Variants in EGFLAM observed in about 807,000 individuals in gnomAD.
EGFLAM encodes the protein EGF like, fibronectin type III and laminin G domains, also known as pikachurin.
A neutral mutation model predicts 113.1 loss-of-function variants in EGFLAM; 79 were observed. The observed-to-expected ratio is 0.70, with a 90% CI of 0.58 to 0.84. The LOEUF is 0.84. Among genes scored for constraint, EGFLAM ranks in the 40% least tolerant of loss-of-function variants. The probability of loss-of-function intolerance (pLI) is 0.00; values close to 1 mark genes in which losing one functional copy is unlikely to be tolerated. For missense variants in EGFLAM, 1,265 were observed against 1,291.6 expected, an observed-to-expected ratio of 0.98 and a Z score of 0.32; for synonymous variants, 504 against 487.6, an observed-to-expected ratio of 1.03 and a Z score of -0.44.
intron 5 of EGFLAM, 79 bp from the exon 6 acceptor site, chr5:38,370,217 T>C: frequency 7.0e-7 from 1 of 1,418,592 alleles, no homozygotes; most frequent in South Asian, 1.3e-5. Context: ...CAAATGCTAT[T>C]AGTTTACATA....
At position 38,364,892 on chromosome 5, in the gene EGFLAM, C is replaced by T. The variant is rs116051533; in HGVS notation, c.546-5404C>T. On this transcript the variant is annotated intron_variant, in intron 5 of 21. Transcript: ENST00000322350. ...ACTTAGGGAGGGAGCCATCAAGTAACCCAGCGTCCTCCAGAAAGCATCCCA... is the reference window on the plus strand; with the variant it reads ...ACTTAGGGAGGGAGCCATCAAGTAATCCAGCGTCCTCCAGAAAGCATCCCA... 2.4e-3 allele frequency among the ~76,000 whole-genome samples: 372 copies of T among 152,196 alleles called. 2 individuals carry two copies. Among genetic ancestry groups the T allele is most frequent in the Non-Finnish European group, 4.1e-3 (281 of 68,008 alleles).
intron 14 of EGFLAM, among the ~76,000 whole-genome samples, 169 bp from the exon 15 acceptor site, chr5:38,431,008 C>T (rs1056132537): frequency 1.3e-5 from 2 of 152,316 alleles, no homozygotes; most frequent in South Asian, 2.1e-4. Context: ...ATGATGCCTG[C>T]CCAGGTTGGT....
chr5:38,405,646 T>G (rs1741260878), intron 6 of EGFLAM, among the ~76,000 whole-genome samples: 1 of 152,232 alleles, frequency 6.6e-6, no homozygotes, highest in Non-Finnish European at 1.5e-5. Flanking sequence ...TTTTTTACTA[T>G]TACAAATTCT....
At position 38,427,122 on chromosome 5, in the gene EGFLAM, C is replaced by T. The variant is rs749175056; in HGVS notation, c.1924C>T (p.Arg642Trp). Reference sequence around the variant, plus strand: ...CTTCATGGAATTTGAGATCACATTTCGGCCAGACTCAGGAGATGGTGTCCT... The same window carrying T: ...CTTCATGGAATTTGAGATCACATTTTGGCCAGACTCAGGAGATGGTGTCCT... ...LSFMEFEITF[R>W]PDSGDGVLLY... Residue 642 changes from arginine (R) to tryptophan (W), a missense_variant, in exon 14 of 22, where the codon CGG (arginine) becomes TGG (tryptophan). Coordinates refer to ENST00000322350, the MANE Select transcript of EGFLAM (RefSeq NM_152403.4). 1.7e-5 allele frequency: 27 copies of T among 1,613,974 alleles called. 1 individual carries two copies. The South Asian group carries it at 2.6e-4, about 16-fold the overall frequency.
chr5:38,458,417 G>A (rs765951796), intron 20 of EGFLAM, 23 bp downstream of exon 20: 4 of 1,611,572 alleles, frequency 2.5e-6, no homozygotes, highest in South Asian at 2.2e-5. Context: ...CGCAGCATGA[G>A]GCAGAGCCAG....
At chr5:38,406,059 G>T (rs1355051150) in intron 6 of EGFLAM, 67 bp from the exon 7 acceptor site, 2 of 1,272,894 alleles carry the variant, frequency 1.6e-6, no homozygotes, top group African/African-American at 2.9e-5. Context: ...CTGTGGCTGA[G>T]TTAGGCTAGA....
At chr5:38,428,684 A>G (rs1742092804) in intron 14 of EGFLAM, among the ~76,000 whole-genome samples, 1 of 152,180 alleles carries the variant, frequency 6.6e-6, no homozygotes, top group Non-Finnish European at 1.5e-5. Context: ...TACCCCCTCC[A>G]CACTGCCTCT....
intron 13 of EGFLAM, among the ~76,000 whole-genome samples, chr5:38,425,925 A>T (rs1741990890): frequency 6.6e-6 from 1 of 152,182 alleles, no homozygotes; most frequent in Non-Finnish European, 1.5e-5. Flanking sequence ...CAACGTGGTG[A>T]AACTCCGTTT....
At chr5:38,340,004 C>T (rs1273472821) in intron 3 of EGFLAM, among the ~76,000 whole-genome samples, 1 of 152,112 alleles carries the variant, frequency 6.6e-6, no homozygotes. Context: ...AGTAGTATCC[C>T]CAGCCACCCC....
intron 1 of EGFLAM, among the ~76,000 whole-genome samples, chr5:38,304,392 T>G (rs1036698762): frequency 6.6e-6 from 1 of 152,106 alleles, no homozygotes; most frequent in Non-Finnish European, 1.5e-5. Context: ...AAGCAAAAGG[T>G]CTGTGAACAG....
intron 6 of EGFLAM, among the ~76,000 whole-genome samples, chr5:38,389,193 G>T (rs796180537): frequency 6.6e-6 from 1 of 152,110 alleles, no homozygotes. Context: ...TTGACAGAAG[G>T]AAAACCCTTA....
At chr5:38,326,225 G>C (rs180917232) in intron 1 of EGFLAM, among the ~76,000 whole-genome samples, 1 of 152,256 alleles carries the variant, frequency 6.6e-6, no homozygotes, top group Admixed American at 6.5e-5. Context: ...GCTATGATGG[G>C]GGCCCAAAGG....
At chr5:38,309,981 A>G (rs1485451274) in intron 1 of EGFLAM, among the ~76,000 whole-genome samples, 1 of 152,228 alleles carries the variant, frequency 6.6e-6, no homozygotes, top group African/African-American at 2.4e-5. Context: ...CAAGTAGGCC[A>G]TGATGGGGAA....
intron 19 of EGFLAM, among the ~76,000 whole-genome samples, chr5:38,453,439 G>C (rs535433665): frequency 6.6e-6 from 1 of 152,174 alleles, no homozygotes; most frequent in African/African-American, 2.4e-5. Context: ...TGAATAAAAG[G>C]CATTTTGAGA....
intron 17 of EGFLAM, among the ~76,000 whole-genome samples, chr5:38,447,756 C>CAAAAA (rs540815959): frequency 2.9e-5 from 2 of 69,434 alleles, no homozygotes; most frequent in African/African-American, 8.7e-5. Flanking sequence ...AACTTTGTTT[C>CAAAAA]AAAAAAAAAA....
chr5:38,322,807 C>G lies in EGFLAM; in HGVS notation c.98-14713C>G, dbSNP rs116147961. On this transcript the variant is annotated intron_variant, in intron 1 of 21. Transcript: ENST00000322350. ...ATGATTGTGATGTGTAGGGTAACTGCTCCACAGAGAAAAGCCAGCAGGGAT... is the reference window on the plus strand; with the variant it reads ...ATGATTGTGATGTGTAGGGTAACTGGTCCACAGAGAAAAGCCAGCAGGGAT... Among the ~76,000 whole-genome samples, 1,152 of 152,306 alleles carry G rather than the reference C, an allele frequency of 7.6e-3. 9 individuals carry two copies. The highest frequency in any genetic ancestry group is 0.013 in the Non-Finnish European group (906 of 68,028).
chr5:38,464,881 A>G lies in EGFLAM; in HGVS notation c.*895A>G, dbSNP rs1161792064. 1 of 152,220 alleles carries G rather than the reference A, an allele frequency of 6.6e-6. No individual in the cohort carries two copies. The highest frequency in any genetic ancestry group is 2.4e-5 in the African/African-American group (1 of 41,454). The allele number at this position is 152,220 out of a possible 1,614,324, so 9.4% of individuals were successfully genotyped here. On this transcript the variant is annotated 3_prime_UTR_variant, in exon 22 of 22. Coordinates refer to ENST00000322350, the MANE Select transcript of EGFLAM (RefSeq NM_152403.4). ...TCTTTTGGTAAATGTTGACGGCTCA[A>G]GAGGATGAATATGAAGCTTTCCAAG...
chr5:38,343,281 C>A (rs1739387447), intron 3 of EGFLAM, among the ~76,000 whole-genome samples: 1 of 152,024 alleles, frequency 6.6e-6, no homozygotes, highest in Non-Finnish European at 1.5e-5. Context: ...TGGTAGGCGC[C>A]TGTAATCCCA....
intron 6 of EGFLAM, among the ~76,000 whole-genome samples, chr5:38,405,069 C>A (rs2112122610): frequency 6.6e-6 from 1 of 152,124 alleles, no homozygotes; most frequent in South Asian, 2.1e-4. Flanking sequence ...AATGGATGAC[C>A]CCCAAGATAC....
Sources: gnomAD v4.1 joint callset for allele counts (sites outside exome capture counted in the v4.1 genomes callset) on GRCh38, gnomAD v4.1.1 for gene constraint, MANE v1.5 for transcripts, NCBI Gene and HGNC (gene_info 2026-07-23, HGNC 2026-07-21) for gene names.